SLC7A7: variants seen among roughly 807,000 people sequenced by gnomAD.
SLC7A7 encodes the protein solute carrier family 7 member 7.
Under a neutral mutation model 47.9 loss-of-function variants are expected in SLC7A7, and 39 were observed. The ratio of observed to expected loss-of-function variants is 0.81; its 90% confidence interval spans 0.63 to 1.06. The LOEUF is 1.06. Among genes scored for constraint, SLC7A7 ranks in the 50% least tolerant of loss-of-function variants. The pLI is 0.00. For missense variants in SLC7A7, 588 were observed against 632.0 expected (o/e 0.93, Z 0.75); for synonymous variants, 234 against 242.8 (o/e 0.96, Z 0.34).
At chr14:22,781,385 C>G (rs1302316516) in intron 2 of SLC7A7, among the ~76,000 whole-genome samples, 1 of 152,070 alleles carries the variant, frequency 6.6e-6, no homozygotes, top group Non-Finnish European at 1.5e-5. Context: ...CATCTTCTCT[C>G]TCTCACCCTC....
intron 2 of SLC7A7, among the ~76,000 whole-genome samples, chr14:22,798,751 C>G (rs1186143567): frequency 6.6e-6 from 1 of 152,184 alleles, no homozygotes; most frequent in Non-Finnish European, 1.5e-5. Context: ...CTTCCTCTTT[C>G]ACCCTGCAAA....
At chr14:22,789,771 G>T (rs1413427759) in intron 2 of SLC7A7, among the ~76,000 whole-genome samples, 1 of 152,110 alleles carries the variant, frequency 6.6e-6, no homozygotes, top group Non-Finnish European at 1.5e-5. Flanking sequence ...GAGGCAGAAA[G>T]GTCAATGTCA....
At position 22,798,427 on chromosome 14, in the gene SLC7A7, C is replaced by T. The variant is rs556547155; in HGVS notation, c.499+14473G>A. ...TGATTCCACGCTGTTCACCACCATGCACCAGTGCCTTCCAAAGGGATAAGG... is the reference window on the plus strand; with the variant it reads ...TGATTCCACGCTGTTCACCACCATGTACCAGTGCCTTCCAAAGGGATAAGG... On this transcript the variant is annotated intron_variant, in intron 2 of 9. Coordinates refer to ENST00000674313, the MANE Select transcript of SLC7A7 (RefSeq NM_003982.4). Among the ~76,000 whole-genome samples, 10 of 152,312 alleles carry T rather than the reference C, an allele frequency of 6.6e-5. No homozygotes were observed. In the South Asian group the frequency reaches 2.1e-3, roughly 32 times the overall value.
At chr14:22,799,266 T>C (rs1264254981) in intron 2 of SLC7A7, among the ~76,000 whole-genome samples, 1 of 152,026 alleles carries the variant, frequency 6.6e-6, no homozygotes, top group Admixed American at 6.6e-5. Context: ...CCACTCACCA[T>C]CTTCCAGGTT....
intron 2 of SLC7A7, among the ~76,000 whole-genome samples, chr14:22,787,952 A>G (rs1417751888): frequency 1.3e-5 from 2 of 150,758 alleles, no homozygotes; most frequent in South Asian, 4.2e-4. Context: ...GGGTGCCTGT[A>G]GTCCCAGCTA....
chr14:22,788,598 G>A (rs1409634145), intron 2 of SLC7A7, among the ~76,000 whole-genome samples: 1 of 151,712 alleles, frequency 6.6e-6, no homozygotes, highest in East Asian at 1.9e-4. Flanking sequence ...CAGCTACTCA[G>A]GAGGCTGAGG....
At chr14:22,811,108 A>AC (rs1332652531) in intron 2 of SLC7A7, among the ~76,000 whole-genome samples, 1 of 152,224 alleles carries the variant, frequency 6.6e-6, no homozygotes, top group Admixed American at 6.5e-5. Context: ...ACACAAGGAC[A>AC]CACAAAACAC....
chr14:22,774,139 T>C, intron 8 of SLC7A7, 23 bp from the exon 9 acceptor site: 3 of 1,612,874 alleles, frequency 1.9e-6, no homozygotes, highest in Non-Finnish European at 2.5e-6. Flanking sequence ...GAAACATAAC[T>C]GGAGTGGACA....
chr14:22,791,589 G>C (rs1333798351), intron 2 of SLC7A7, among the ~76,000 whole-genome samples: 1 of 152,120 alleles, frequency 6.6e-6, no homozygotes, highest in East Asian at 1.9e-4. Flanking sequence ...TCTGTGTATA[G>C]TCAGATGCAC....
At chr14:22,803,233 A>G (rs2039145784) in intron 2 of SLC7A7, among the ~76,000 whole-genome samples, 1 of 152,112 alleles carries the variant, frequency 6.6e-6, no homozygotes, top group African/African-American at 2.4e-5. Flanking sequence ...CAGCCTGACT[A>G]ACATGGTGAA....
rs1451290737 is a variant in SLC7A7, at chr14:22,812,824, T to G, written c.499+76A>C. On this transcript the variant is annotated intron_variant, in intron 2 of 9. Transcript: ENST00000674313. Reference sequence around the variant, plus strand: ...AGAGACATTCCTCTCTATCTCCTTCTTACTCCCAGACTGCACTCACATCCC... The same window carrying G: ...AGAGACATTCCTCTCTATCTCCTTCGTACTCCCAGACTGCACTCACATCCC... 5 of 1,406,294 alleles carry G rather than the reference T, an allele frequency of 3.6e-6. No homozygotes were observed. In the African/African-American group the frequency reaches 4.5e-5, roughly 13 times the overall value. The allele number at this position is 1,406,294 out of a possible 1,614,324, so 87.1% of individuals were successfully genotyped here. A position where few individuals can be genotyped will look rare whatever the true frequency, so the allele number is the denominator to read the frequency against.
chr14:22,815,443 G>A (rs2039392455), upstream of SLC7A7: 2 of 454,404 alleles, frequency 4.4e-6, no homozygotes, highest in Non-Finnish European at 8.8e-6. Flanking sequence ...GGGAAGGCCA[G>A]ACAAATGCCT....
Position 22,774,072 on chromosome 14 carries a change from G to A in SLC7A7, c.1290C>T (p.Phe430=), listed in dbSNP as rs368164901. The part of the protein sequence containing the change: ...FPIVFCLCTI[F]LVAVPLYSDT... ...CACTGTAAAGTGGAACAGCCACCAG[G>A]AAGATGGTGCAGAGGCAGAAGACAA... The change falls in exon 9 of 10, where the codon TTC becomes TTT. Residue 430 remains phenylalanine (F), a synonymous_variant. Transcript: ENST00000674313. The A allele has an allele frequency of 1.2e-6, 2 of 1,614,200 alleles. No individual in the cohort carries two copies. Among genetic ancestry groups the A allele is most frequent in the Non-Finnish European group, 8.5e-7 (1 of 1,180,036 alleles).
rs1427780015 is a variant in SLC7A7 at position 22,787,814 on chromosome 14, C to G, written c.500-7763G>C. Among the ~76,000 whole-genome samples, 10 of 151,646 alleles carry G rather than the reference C, an allele frequency of 6.6e-5. No individual in the cohort carries two copies. In the South Asian group the frequency reaches 2.1e-3, roughly 32 times the overall value. ...TTAGGCCGGGCACGGTGGCTCACGCCTGTAATCCCAGCACTTTGGGAGGCC... is the reference window on the plus strand; with the variant it reads ...TTAGGCCGGGCACGGTGGCTCACGCGTGTAATCCCAGCACTTTGGGAGGCC... On this transcript the variant is annotated intron_variant, in intron 2 of 9. Transcript: ENST00000674313.
At chr14:22,801,611 G>A (rs1385257324) in intron 2 of SLC7A7, among the ~76,000 whole-genome samples, 3 of 151,810 alleles carry the variant, frequency 2.0e-5, no homozygotes, top group Non-Finnish European at 4.4e-5. Context: ...GTGAAACCCC[G>A]TCTAAAAAAT....
rs1566437792 is a variant in SLC7A7 at position 22,773,290 on chromosome 14, G to A, written c.*320C>T. The A allele has an allele frequency of 8.3e-6, 4 of 484,232 alleles. No individual in the cohort carries two copies. The highest frequency in any genetic ancestry group is 2.0e-5 in the African/African-American group (1 of 51,210). The allele number at this position is 484,232 out of a possible 1,614,324, so 30.0% of individuals were successfully genotyped here. Reference sequence around the variant, plus strand: ...TTTCATGTCTCTCTAAAGGAGACAGGAAATTGGAGCATTGTGGGCCCTTTT... The same window carrying A: ...TTTCATGTCTCTCTAAAGGAGACAGAAAATTGGAGCATTGTGGGCCCTTTT... On this transcript the variant is annotated 3_prime_UTR_variant, in exon 10 of 10. Transcript: ENST00000674313.
In SLC7A7 at chr14:22,774,270, T is replaced by C. The variant is rs1456367961; in HGVS notation, c.1245+84A>G. ...CGACCAAGTCCCAGGCAAAGGTTTC[T>C]AAATAAAGTGCTTTGTCATAGTCCC... On this transcript the variant is annotated intron_variant, in intron 8 of 9. Coordinates refer to ENST00000674313, the MANE Select transcript of SLC7A7 (RefSeq NM_003982.4). 6.2e-6 allele frequency: 10 copies of C among 1,609,852 alleles called. No homozygotes were observed. The African/African-American group carries it at 9.4e-5, about 15-fold the overall frequency.
At chr14:22,786,020 T>C (rs9323209) in intron 2 of SLC7A7, among the ~76,000 whole-genome samples, 22,302 of 93,978 alleles carry the variant, frequency 0.24, 2,466 homozygotes, top group Non-Finnish European at 0.28. Context: ...AGACTCTGTC[T>C]CAAAAAAAAA....
intron 1 of SLC7A7, 40 bp from the exon 2 acceptor site, chr14:22,813,480 G>A (rs770172552): frequency 1.9e-6 from 3 of 1,564,864 alleles, no homozygotes; most frequent in Non-Finnish European, 2.6e-6. Context: ...TAGGTGGTTG[G>A]CAATTACATA....
Sources: allele counts gnomAD v4.1 joint callset (sites outside exome capture counted in the v4.1 genomes callset), GRCh38; gene constraint gnomAD v4.1.1; transcripts MANE v1.5; gene names NCBI Gene and HGNC (gene_info 2026-07-23, HGNC 2026-07-21).